FOXJ3: variants seen among roughly 807,000 people sequenced by gnomAD.
The protein encoded by FOXJ3 is forkhead box J3.
Under a neutral mutation model 76.1 loss-of-function variants are expected in FOXJ3, and 22 were observed. That is an observed-to-expected ratio of 0.29 (90% CI 0.21 to 0.41). FOXJ3 has a LOEUF of 0.41. FOXJ3 is among the 10% of genes least tolerant of loss of function. The probability of loss-of-function intolerance (pLI) is 1.00; values close to 1 mark genes in which losing one functional copy is unlikely to be tolerated. For missense variants in FOXJ3, 613 were observed against 762.1 expected (o/e 0.80, Z 2.30); for synonymous variants, 269 against 261.2 (o/e 1.03, Z -0.29).
intron 5 of FOXJ3, among the ~76,000 whole-genome samples, chr1:42,222,007 G>A (rs189225969): frequency 0.068 from 195 of 2,870 alleles, 71 homozygotes; most frequent in Non-Finnish European, 0.1. Context: ...GGGGGAGGAG[G>A]AGGAGAAGGA....
intron 8 of FOXJ3, 76 bp from the exon 9 acceptor site, chr1:42,191,795 T>C (rs1261613687): frequency 2.0e-6 from 3 of 1,498,472 alleles, no homozygotes; most frequent in African/African-American, 2.8e-5. Flanking sequence ...ATTATTAACA[T>C]AACAAAAGCA....
chr1:42,306,307 T>C (rs897451804), intron 2 of FOXJ3, among the ~76,000 whole-genome samples: 24 of 140,174 alleles, frequency 1.7e-4, no homozygotes, highest in Non-Finnish European at 3.2e-4. Context: ...TCTTTTTTTT[T>C]TTTTTTTTTT....
At chr1:42,272,367 G>A (rs1651926944) in intron 3 of FOXJ3, among the ~76,000 whole-genome samples, 1 of 152,192 alleles carries the variant, frequency 6.6e-6, no homozygotes, top group African/African-American at 2.4e-5. Flanking sequence ...CTGCGCAAAG[G>A]AGAAGATAAA....
At chr1:42,310,154 T>G (rs1166506427) in intron 2 of FOXJ3, among the ~76,000 whole-genome samples, 5 of 151,934 alleles carry the variant, frequency 3.3e-5, no homozygotes, top group East Asian at 1.9e-4. Flanking sequence ...TTTAGGTTTT[T>G]TTTTTTTTTT....
At chr1:42,319,466 T>C (rs1655310361) in intron 1 of FOXJ3, among the ~76,000 whole-genome samples, 1 of 152,206 alleles carries the variant, frequency 6.6e-6, no homozygotes. Context: ...TGTGAGTAAT[T>C]AGATAGCAGT....
rs893056673 is a variant in FOXJ3, at chr1:42,239,093, T to C, written c.445-11127A>G. Among the ~76,000 whole-genome samples the C allele has an allele frequency of 7.2e-5, 11 of 152,298 alleles. No individual in the cohort carries two copies. In the East Asian group the frequency reaches 1.5e-3, roughly 21 times the overall value. Reference sequence around the variant, plus strand: ...TCATTTTCCAAGCATTCCTTCCTAGTACAGAAAAAAATATATATTGATCTT... The same window carrying C: ...TCATTTTCCAAGCATTCCTTCCTAGCACAGAAAAAAATATATATTGATCTT... On this transcript the variant is annotated intron_variant, in intron 4 of 12. Transcript: ENST00000361346.
chr1:42,243,842 A>G (rs1367409258), intron 4 of FOXJ3, among the ~76,000 whole-genome samples: 2 of 152,238 alleles, frequency 1.3e-5, no homozygotes, highest in African/African-American at 2.4e-5. Flanking sequence ...CGTCTACCGA[A>G]TATTTTATCC....
At chr1:42,317,514 T>TAAAAAAAAAAAA (rs11365048) in intron 1 of FOXJ3, among the ~76,000 whole-genome samples, 4 of 106,396 alleles carry the variant, frequency 3.8e-5, no homozygotes, top group African/African-American at 6.9e-5. Flanking sequence ...AGAGAAACCA[T>TAAAAAAAAAAAA]AAAAAAAAAA....
At chr1:42,237,403 TAC>T (rs1257837641) in intron 4 of FOXJ3, among the ~76,000 whole-genome samples, 32 of 42,612 alleles carry the variant, frequency 7.5e-4, no homozygotes, top group African/African-American at 1.9e-3. Context: ...CATACATACA[TAC>T]ATATATATAT....
Position 42,252,017 on chromosome 1 carries a change from G to A in FOXJ3, c.444+13098C>T, listed in dbSNP as rs185425419. Among the ~76,000 whole-genome samples the A allele has an allele frequency of 2.4e-4, 36 of 152,072 alleles. 1 individual carries two copies. Among genetic ancestry groups the A allele is most frequent in the Middle Eastern group, 3.4e-3 (1 of 294 alleles). On this transcript the variant is annotated intron_variant, in intron 4 of 12. Coordinates refer to ENST00000361346, the MANE Select transcript of FOXJ3 (RefSeq NM_014947.5). ...CAGGCGTGAGCCACCGCGCCCGGCC[G>A]GTTTGCCAGTATTTTATTGAGGATT...
intron 7 of FOXJ3, among the ~76,000 whole-genome samples, chr1:42,197,491 C>T (rs1479226846): frequency 6.6e-6 from 1 of 152,010 alleles, no homozygotes; most frequent in Non-Finnish European, 1.5e-5. Context: ...TTGGTATCCA[C>T]GAGGGACTGG....
chr1:42,196,120 T>C (rs1390395656), intron 7 of FOXJ3, among the ~76,000 whole-genome samples: 2 of 152,264 alleles, frequency 1.3e-5, no homozygotes, highest in Admixed American at 1.3e-4. Context: ...AACTGCTTAG[T>C]TGCACTATGG....
intron 2 of FOXJ3, among the ~76,000 whole-genome samples, chr1:42,291,226 A>AC (rs376001038): frequency 3.3e-5 from 5 of 152,198 alleles, no homozygotes; most frequent in African/African-American, 4.8e-5. Flanking sequence ...AATGACCCTT[A>AC]CATCACATCA....
chr1:42,320,592 TTA>T (rs1655374487), intron 1 of FOXJ3, among the ~76,000 whole-genome samples: 2 of 152,214 alleles, frequency 1.3e-5, no homozygotes, highest in Non-Finnish European at 2.9e-5. Flanking sequence ...TTAGATCACA[TTA>T]TATGTTTAAA....
At chr1:42,291,087 C>CAGACAGACAGACAGACAGAT (rs1466927453) in intron 2 of FOXJ3, among the ~76,000 whole-genome samples, 2 of 140,748 alleles carry the variant, frequency 1.4e-5, no homozygotes, top group Admixed American at 7.0e-5. Context: ...GATAGATAGA[C>CAGACAGACAGACAGACAGAT]AGACAGACAG....
chr1:42,314,481 C>G (rs897227983), intron 1 of FOXJ3, among the ~76,000 whole-genome samples: 2 of 152,198 alleles, frequency 1.3e-5, no homozygotes, highest in Non-Finnish European at 2.9e-5. Context: ...CTGCTGACCT[C>G]AGGTGATCCA....
intron 2 of FOXJ3, among the ~76,000 whole-genome samples, 196 bp from the exon 3 acceptor site, chr1:42,278,868 CT>C (rs1271367440): frequency 6.6e-6 from 1 of 152,054 alleles, no homozygotes; most frequent in East Asian, 1.9e-4. Flanking sequence ...TAATTTTTTC[CT>C]CACCAAAACA....
intron 12 of FOXJ3, among the ~76,000 whole-genome samples, chr1:42,180,931 C>T (rs755737476): frequency 6.6e-6 from 1 of 152,206 alleles, no homozygotes; most frequent in Non-Finnish European, 1.5e-5. Context: ...GCTCCAGAGC[C>T]TTACCACCTT....
chr1:42,320,641 A>G (rs1570250283), intron 1 of FOXJ3, among the ~76,000 whole-genome samples: 1 of 152,202 alleles, frequency 6.6e-6, no homozygotes, highest in Non-Finnish European at 1.5e-5. Flanking sequence ...ATTAGATCAC[A>G]TTATATGTTT....
Sources: gnomAD v4.1 joint callset for allele counts (sites outside exome capture counted in the v4.1 genomes callset) on GRCh38, gnomAD v4.1.1 for gene constraint, MANE v1.5 for transcripts, NCBI Gene and HGNC (gene_info 2026-07-23, HGNC 2026-07-21) for gene names.